The following EYS variants were observed in gnomAD, a reference collection of about 807,000 sequenced individuals.
EYS encodes EGF-like photoreceptor maintenance factor.
In EYS, 250 loss-of-function variants were observed where a neutral mutation model predicts 282.1. That is an observed-to-expected ratio of 0.89 (90% CI 0.80 to 0.98). The LOEUF (loss-of-function observed/expected upper bound fraction) is 0.98, where lower values mean the gene tolerates loss of function less well. EYS is among the 50% of genes least tolerant of loss of function. The probability of loss-of-function intolerance (pLI) is 0.00; values close to 1 mark genes in which losing one functional copy is unlikely to be tolerated. For synonymous variants in EYS, 1,355 were observed against 1,282.9 expected, an observed-to-expected ratio of 1.06 and a Z score of -1.20; for missense variants, 4,016 against 3,709.0, an observed-to-expected ratio of 1.08 and a Z score of -2.15.
chr6:65,579,697 G>A (rs1277731153), intron 2 of EYS, among the ~76,000 whole-genome samples: 1 of 152,086 alleles, frequency 6.6e-6, no homozygotes, highest in South Asian at 2.1e-4. Flanking sequence ...CCATTCTATC[G>A]AGTTAGAAAC....
At chr6:65,508,301 T>C (rs1766734569) in intron 2 of EYS, among the ~76,000 whole-genome samples, 1 of 152,080 alleles carries the variant, frequency 6.6e-6, no homozygotes, top group Non-Finnish European at 1.5e-5. Context: ...AATGATATAA[T>C]CTATGATCTA....
chr6:65,401,343 T>G (rs906541358), intron 7 of EYS, among the ~76,000 whole-genome samples: 3 of 151,418 alleles, frequency 2.0e-5, no homozygotes, highest in Non-Finnish European at 4.4e-5. Context: ...TGAGTCAGAG[T>G]TAGCAATTTT....
intron 22 of EYS, among the ~76,000 whole-genome samples, chr6:64,785,129 T>C (rs958699826): frequency 6.6e-6 from 1 of 152,160 alleles, no homozygotes; most frequent in Non-Finnish European, 1.5e-5. Flanking sequence ...GAACTGCAAT[T>C]TCAAGAAAAT....
At chr6:64,030,976 T>C (rs1009864081) in intron 33 of EYS, among the ~76,000 whole-genome samples, 3 of 152,194 alleles carry the variant, frequency 2.0e-5, no homozygotes, top group Non-Finnish European at 4.4e-5. Context: ...TGGGGTGTCC[T>C]GTTTAGAGGG....
chr6:64,227,397 T>G (rs1333092449), intron 31 of EYS, among the ~76,000 whole-genome samples: 1 of 151,856 alleles, frequency 6.6e-6, no homozygotes, highest in East Asian at 1.9e-4. Flanking sequence ...GATGACAGAG[T>G]GGAAGAATTT....
intron 31 of EYS, among the ~76,000 whole-genome samples, chr6:64,206,009 A>T (rs1474853401): frequency 1.3e-5 from 2 of 152,106 alleles, no homozygotes; most frequent in Admixed American, 6.5e-5. Context: ...AATTTTAGTG[A>T]ATGCATCAGG....
chr6:64,167,707 AATTAT>A (rs1364258868), intron 31 of EYS, among the ~76,000 whole-genome samples: 92 of 152,174 alleles, frequency 6.0e-4, no homozygotes, highest in African/African-American at 2.0e-3. Flanking sequence ...ATATATTAAA[AATTAT>A]ATTAATGAAA....
chr6:65,190,650 C>G (rs1386379522), intron 12 of EYS, among the ~76,000 whole-genome samples: 2 of 151,714 alleles, frequency 1.3e-5, no homozygotes, highest in Non-Finnish European at 2.9e-5. Flanking sequence ...TGAATAGGCC[C>G]AGTATAAATT....
intron 32 of EYS, among the ~76,000 whole-genome samples, chr6:64,081,466 A>C (rs1426181922): frequency 6.6e-6 from 1 of 152,198 alleles, no homozygotes; most frequent in Non-Finnish European, 1.5e-5. Context: ...AATTTACTTG[A>C]TTGTCAAATG....
chr6:65,148,674 G>C (rs1018031237), intron 12 of EYS, among the ~76,000 whole-genome samples: 20 of 152,058 alleles, frequency 1.3e-4, no homozygotes, highest in African/African-American at 4.8e-4. Flanking sequence ...CACTCTGGGT[G>C]GGGACTCTGA....
chr6:65,654,978 T>TAA (rs36088825), intron 1 of EYS, among the ~76,000 whole-genome samples: 1,508 of 99,830 alleles, frequency 0.015, 33 homozygotes, highest in Non-Finnish European at 0.02. Context: ...GGTCATTCAT[T>TAA]AAAAAAAAAA....
At position 64,267,692 on chromosome 6, in the gene EYS, A is replaced by T. The variant is rs77627891; in HGVS notation, c.6192-36868T>A. Among the ~76,000 whole-genome samples the T allele has an allele frequency of 3.7e-3, 558 of 152,278 alleles. 2 individuals carry two copies. Among genetic ancestry groups the T allele is most frequent in the African/African-American group, 0.013 (528 of 41,572 alleles). ...TAAATTTGACTAAATAAAAACTTTA[A>T]TTTCTGTTTTGAACATTTATGACAG... is the stretch of plus-strand genomic sequence containing the variant. On this transcript the variant is annotated intron_variant, in intron 30 of 42. Coordinates refer to ENST00000503581, the MANE Select transcript of EYS (RefSeq NM_001142800.2).
intron 28 of EYS, among the ~76,000 whole-genome samples, chr6:64,397,575 A>G (rs1255242118): frequency 6.6e-6 from 1 of 151,974 alleles, no homozygotes; most frequent in Non-Finnish European, 1.5e-5. Context: ...AAAATGTTTC[A>G]TAATTTCCTT....
intron 2 of EYS, among the ~76,000 whole-genome samples, chr6:65,503,677 A>C (rs943819891): frequency 3.3e-5 from 5 of 151,680 alleles, no homozygotes; most frequent in African/African-American, 1.2e-4. Context: ...TTGCATATGA[A>C]TATCAAATTC....
At chr6:65,541,639 G>C (rs1358767480) in intron 2 of EYS, among the ~76,000 whole-genome samples, 1 of 150,246 alleles carries the variant, frequency 6.7e-6, no homozygotes, top group Admixed American at 6.7e-5. Flanking sequence ...TTAATCACTA[G>C]ATGCATAACA....
chr6:63,731,928 T>C (rs1768792947), intron 41 of EYS, among the ~76,000 whole-genome samples: 1 of 152,160 alleles, frequency 6.6e-6, no homozygotes, highest in South Asian at 2.1e-4. Context: ...AGTACCTATT[T>C]GGCTTTGCTG....
chr6:65,141,652 TATCTATC>T (rs1764347096), intron 12 of EYS, among the ~76,000 whole-genome samples: 1 of 3,076 alleles, frequency 3.3e-4, no homozygotes, highest in Non-Finnish European at 1.8e-3. Context: ...TCTGTCTGTC[TATCTATC>T]TATCTATCTA....
intron 31 of EYS, among the ~76,000 whole-genome samples, chr6:64,096,528 T>G (rs1772621474): frequency 6.6e-6 from 1 of 152,242 alleles, no homozygotes; most frequent in Non-Finnish European, 1.5e-5. Flanking sequence ...TACCCTTTCT[T>G]CCAGTTGATC....
At chr6:64,222,956 C>T (rs949922896) in intron 31 of EYS, among the ~76,000 whole-genome samples, 1 of 151,846 alleles carries the variant, frequency 6.6e-6, no homozygotes, top group Non-Finnish European at 1.5e-5. Flanking sequence ...AAAAAAAACT[C>T]ATAAAAATCA....
Sources: gnomAD v4.1 joint callset for allele counts (sites outside exome capture counted in the v4.1 genomes callset) on GRCh38, gnomAD v4.1.1 for gene constraint, MANE v1.5 for transcripts, NCBI Gene and HGNC (gene_info 2026-07-23, HGNC 2026-07-21) for gene names.